Variants in LINC00632 observed in about 807,000 individuals in gnomAD.
LINC00632 encodes ALDOA related specific transcript.
At chrX:140,790,295 G>T (rs1298632065) in exon 5 of LINC00632, among the ~76,000 whole-genome samples, 1 of 105,977 alleles carries the variant, frequency 9.4e-6, no homozygotes, top group African/African-American at 3.3e-5. Flanking sequence ...TTTCAGAAGA[G>T]AGAGTCAGTT....
chrX:140,753,768 C>CTTTCTTTT (rs1931447530), intron 3 of LINC00632, among the ~76,000 whole-genome samples: 1 of 49,731 alleles, frequency 2.0e-5, no homozygotes, highest in Admixed American at 3.5e-4. Flanking sequence ...TTCTTTCTTT[C>CTTTCTTTT]TTTTTTTTTT....
At chrX:140,741,080 T>C (rs771350863) in intron 3 of LINC00632, among the ~76,000 whole-genome samples, 21 of 112,259 alleles carry the variant, frequency 1.9e-4, no homozygotes, top group African/African-American at 5.8e-4. Flanking sequence ...TAGTTTCTCA[T>C]CTATAAAATG....
chrX:140,745,129 C>T (rs943992908), intron 3 of LINC00632, among the ~76,000 whole-genome samples: 6 of 110,220 alleles, frequency 5.4e-5, no homozygotes, highest in African/African-American at 1.3e-4. Context: ...TTAGTGTAAT[C>T]GCTATATCTC....
rs1299028210 is a variant in LINC00632, at chrX:140,755,733, A to G, written n.192-16345A>G. On this transcript the variant is annotated intron_variant and non_coding_transcript_variant, in intron 3 of 4. Coordinates refer to ENST00000648200, the Ensembl canonical transcript of LINC00632. ...TTGTCAAAGCCTAATTAGTTTCTCT[A>G]TCAAATACTTAGACTCAGCCTATCT... 9.0e-5 allele frequency among the ~76,000 whole-genome samples: 10 copies of G among 111,660 alleles called. No homozygotes were observed. The Admixed American group carries it at 9.6e-4, about 11-fold the overall frequency.
intron 1 of LINC00632, among the ~76,000 whole-genome samples, chrX:140,710,418 C>G (rs1162286780): frequency 4.5e-5 from 5 of 110,625 alleles, no homozygotes; most frequent in African/African-American, 1.6e-4. Context: ...ATGAAAAAAT[C>G]ATGAAAAAGT....
chrX:140,783,843 A>C (rs1193540954), exon 5 of LINC00632: 1 of 1,210,345 alleles, frequency 8.3e-7, no homozygotes, highest in Admixed American at 2.2e-5. Flanking sequence ...GTAACCTCCC[A>C]GTCTTCCAGA....
chrX:140,761,050 C>T (rs1222132748), intron 3 of LINC00632, among the ~76,000 whole-genome samples: 1 of 112,343 alleles, frequency 8.9e-6, no homozygotes, highest in Non-Finnish European at 1.9e-5. Context: ...AAAATATTGT[C>T]CCAGGAGGCT....
At chrX:140,716,491 T>C (rs1271349233) in intron 2 of LINC00632, among the ~76,000 whole-genome samples, 1 of 110,088 alleles carries the variant, frequency 9.1e-6, no homozygotes, top group East Asian at 2.9e-4. Context: ...AAAAAAGGCC[T>C]ACCCCAGATA....
intron 2 of LINC00632, among the ~76,000 whole-genome samples, chrX:140,715,836 T>A (rs1218110251): frequency 1.8e-5 from 2 of 111,423 alleles, no homozygotes; most frequent in Non-Finnish European, 3.8e-5. Flanking sequence ...TCAATATACA[T>A]ACTTGCCTCA....
At chrX:140,786,750 T>C (rs974144020) in exon 5 of LINC00632, among the ~76,000 whole-genome samples, 10 of 111,757 alleles carry the variant, frequency 8.9e-5, no homozygotes, top group African/African-American at 2.9e-4. Context: ...CATAGTTATT[T>C]GGTATAGTGA....
chrX:140,742,537 G>C (rs1464599642), intron 3 of LINC00632, among the ~76,000 whole-genome samples: 1 of 111,045 alleles, frequency 9.0e-6, no homozygotes, highest in African/African-American at 3.3e-5. Context: ...GATCCAAGTA[G>C]ACAACTTTTT....
At chrX:140,759,529 T>A (rs956158729) in intron 3 of LINC00632, among the ~76,000 whole-genome samples, 4 of 101,420 alleles carry the variant, frequency 3.9e-5, no homozygotes, top group Non-Finnish European at 7.9e-5. Flanking sequence ...GCTAATTAAA[T>A]TTTTTTTTTT....
intron 2 of LINC00632, among the ~76,000 whole-genome samples, chrX:140,721,688 G>A (rs958091517): frequency 4.5e-5 from 5 of 110,684 alleles, no homozygotes; most frequent in South Asian, 3.9e-4. Flanking sequence ...ACCACATGGC[G>A]TGCTCCATAA....
At chrX:140,772,599 A>G in exon 4 of LINC00632, 1 of 253,235 alleles carries the variant, frequency 3.9e-6, no homozygotes, top group Non-Finnish European at 7.0e-6. Flanking sequence ...ATGCTTGATA[A>G]TGGTGAAAGC....
intron 3 of LINC00632, among the ~76,000 whole-genome samples, chrX:140,735,194 C>T (rs977403541): frequency 8.1e-5 from 9 of 111,679 alleles, no homozygotes; most frequent in African/African-American, 2.9e-4. Flanking sequence ...GATAAAAGAA[C>T]TCAGAAAATT....
chrX:140,718,099 G>A (rs1431642656), intron 2 of LINC00632, among the ~76,000 whole-genome samples: 1 of 110,578 alleles, frequency 9.0e-6, no homozygotes, highest in Non-Finnish European at 1.9e-5. Flanking sequence ...TCATGCCATT[G>A]CACTTCAGCC....
chrX:140,738,347 G>A (rs777424564), intron 3 of LINC00632, among the ~76,000 whole-genome samples: 7 of 111,879 alleles, frequency 6.3e-5, no homozygotes, highest in Non-Finnish European at 9.4e-5. Context: ...GAAGACCACC[G>A]TTCTAGTCTG....
chrX:140,727,785 C>G (rs933305339), intron 2 of LINC00632, among the ~76,000 whole-genome samples: 1 of 111,896 alleles, frequency 8.9e-6, no homozygotes, highest in Non-Finnish European at 1.9e-5. Context: ...ATACTCACAC[C>G]AGGACATGCC....
chrX:140,742,252 A>G (rs1931234474), intron 3 of LINC00632, among the ~76,000 whole-genome samples: 1 of 111,947 alleles, frequency 8.9e-6, no homozygotes, highest in African/African-American at 3.2e-5. Flanking sequence ...AGCTTATTAA[A>G]AGGTTTTGTG....
Sources: allele counts gnomAD v4.1 joint callset (sites outside exome capture counted in the v4.1 genomes callset), GRCh38; gene constraint gnomAD v4.1.1; transcripts MANE v1.5; gene names NCBI Gene and HGNC (gene_info 2026-07-23, HGNC 2026-07-21).